The following LINGO2 variants were observed in gnomAD, a reference collection of about 807,000 sequenced individuals.
LINGO2 encodes the protein leucine rich repeat and Ig domain containing 2, also known as leucine-rich repeat and immunoglobulin-like domain-containing nogo receptor-interacting protein 2.
A neutral mutation model predicts 30.6 loss-of-function variants in LINGO2; 14 were observed. The observed-to-expected ratio is 0.46, with a 90% CI of 0.30 to 0.72. LINGO2 has a LOEUF of 0.72. Among genes scored for constraint, LINGO2 ranks in the 30% least tolerant of loss-of-function variants. The probability of loss-of-function intolerance (pLI) is 0.07; values close to 1 mark genes in which losing one functional copy is unlikely to be tolerated. For missense variants in LINGO2, 729 were observed against 751.7 expected, an observed-to-expected ratio of 0.97 and a Z score of 0.35; for synonymous variants, 317 against 288.5, an observed-to-expected ratio of 1.10 and a Z score of -1.00.
At chr9:28,748,334 T>C in the LINGO2 span, among the ~76,000 whole-genome samples, 1 of 151,916 alleles carries the variant, frequency 6.6e-6, no homozygotes, top group South Asian at 2.1e-4. Flanking sequence ...ATTAATAAAT[T>C]ATAATGATAA....
chr9:28,959,895 A>G, the LINGO2 span, among the ~76,000 whole-genome samples: 1 of 152,172 alleles, frequency 6.6e-6, no homozygotes, highest in Non-Finnish European at 1.5e-5. Context: ...AGCAATAACC[A>G]TGTGGGTAAA....
chr9:28,798,486 G>A, the LINGO2 span, among the ~76,000 whole-genome samples: 5 of 152,066 alleles, frequency 3.3e-5, no homozygotes, highest in East Asian at 5.8e-4. Context: ...GAGAAGGTGG[G>A]ATGTTTCTAA....
At chr9:28,226,915 C>A (rs1018332637) in intron 4 of LINGO2, among the ~76,000 whole-genome samples, 1 of 152,006 alleles carries the variant, frequency 6.6e-6, no homozygotes, top group Non-Finnish European at 1.5e-5. Flanking sequence ...GCCAATTTTT[C>A]GTACAATTTT....
the LINGO2 span, among the ~76,000 whole-genome samples, chr9:29,160,902 T>C: frequency 6.6e-6 from 1 of 152,236 alleles, no homozygotes; most frequent in African/African-American, 2.4e-5. Flanking sequence ...TTTGTGTAAG[T>C]TCACACTAGT....
chr9:29,171,446 CTTTG>C, the LINGO2 span, among the ~76,000 whole-genome samples: 2 of 151,908 alleles, frequency 1.3e-5, no homozygotes, highest in Non-Finnish European at 2.9e-5. Context: ...GTTTATTTTT[CTTTG>C]TTTGGGCATC....
At chr9:29,076,820 G>T in the LINGO2 span, among the ~76,000 whole-genome samples, 1 of 151,740 alleles carries the variant, frequency 6.6e-6, no homozygotes, top group Non-Finnish European at 1.5e-5. Flanking sequence ...TATAATTAAA[G>T]AGGTAATAAG....
chr9:28,689,143 C>T, the LINGO2 span, among the ~76,000 whole-genome samples: 1 of 152,122 alleles, frequency 6.6e-6, no homozygotes, highest in Middle Eastern at 3.2e-3. Context: ...AAGTAAGTGG[C>T]CCTATTAGGG....
the LINGO2 span, among the ~76,000 whole-genome samples, chr9:29,057,208 A>G: frequency 6.6e-6 from 1 of 152,036 alleles, no homozygotes; most frequent in African/African-American, 2.4e-5. Context: ...CATTTTCACA[A>G]TATTGATTCT....
chr9:29,052,939 A>G, the LINGO2 span, among the ~76,000 whole-genome samples: 4,681 of 152,212 alleles, frequency 0.031, 139 homozygotes, highest in South Asian at 0.15. Context: ...ATTCAAACCA[A>G]AACTGAAGCT....
rs538345223 is a variant in LINGO2 at position 28,648,948 on chromosome 9, T to C, written c.-365+21252A>G. Among the ~76,000 whole-genome samples, 177 of 152,226 alleles carry C rather than the reference T, an allele frequency of 1.2e-3. 1 individual carries two copies. Among genetic ancestry groups the C allele is most frequent in the Non-Finnish European group, 2.0e-3 (135 of 67,992 alleles). Reference sequence around the variant, plus strand: ...GGCGGTAAAGAGACAAGGCTGCTTATGATCAGAGATAACCAGGTTTGGGGC... The same window carrying C: ...GGCGGTAAAGAGACAAGGCTGCTTACGATCAGAGATAACCAGGTTTGGGGC... On this transcript the variant is annotated intron_variant, in intron 1 of 5. Coordinates refer to ENST00000379992, the Ensembl canonical transcript of LINGO2.
intron 4 of LINGO2, among the ~76,000 whole-genome samples, chr9:28,209,768 A>G (rs1820527650): frequency 6.6e-6 from 1 of 151,798 alleles, no homozygotes; most frequent in Non-Finnish European, 1.5e-5. Flanking sequence ...GATGGGATGC[A>G]GTAATACCAT....
chr9:28,130,170 T>G lies in LINGO2; in HGVS notation c.-86-117765A>C, dbSNP rs1398721497. 6.6e-6 allele frequency among the ~76,000 whole-genome samples: 1 copy of G among 152,242 alleles called. No individual in the cohort carries two copies. The highest frequency in any genetic ancestry group is 1.5e-5 in the Non-Finnish European group (1 of 68,042). ...TTCTAGATTTAGAGTTGTGCCTTCA[T>G]TTTAACCACTGGTTTGAACTCTAGA... On this transcript the variant is annotated intron_variant, in intron 4 of 5. Coordinates refer to ENST00000379992, the Ensembl canonical transcript of LINGO2. The surrounding 1 kb of genome is among the most constrained non-coding windows in gnomAD (Gnocchi z 5.2).
the LINGO2 span, among the ~76,000 whole-genome samples, chr9:29,021,335 T>A: frequency 6.6e-6 from 1 of 152,096 alleles, no homozygotes; most frequent in Non-Finnish European, 1.5e-5. Context: ...AATACGGCAC[T>A]AACTACATTA....
chr9:28,096,377 A>G (rs768084144), intron 4 of LINGO2, among the ~76,000 whole-genome samples: 1 of 152,172 alleles, frequency 6.6e-6, no homozygotes, highest in Non-Finnish European at 1.5e-5. Context: ...ATTCATTTTA[A>G]TTTATGGTAA....
At chr9:28,341,951 GGA>G (rs1463443980) in intron 3 of LINGO2, among the ~76,000 whole-genome samples, 3 of 152,010 alleles carry the variant, frequency 2.0e-5, no homozygotes, top group Non-Finnish European at 4.4e-5. Context: ...ATCCTATAGG[GGA>G]GAGTTAGGAA....
chr9:27,985,004 C>G (rs538666011), intron 5 of LINGO2, among the ~76,000 whole-genome samples: 1 of 147,272 alleles, frequency 6.8e-6, no homozygotes, highest in African/African-American at 2.5e-5. Context: ...GAAGTAAGCA[C>G]TTCTGTTTTG....
chr9:29,094,760 T>C, the LINGO2 span, among the ~76,000 whole-genome samples: 1 of 139,200 alleles, frequency 7.2e-6, no homozygotes, highest in Non-Finnish European at 1.6e-5. Flanking sequence ...AGATCAAAAA[T>C]ATATTATTAA....
At chr9:28,315,706 C>A (rs746558422) in intron 3 of LINGO2, among the ~76,000 whole-genome samples, 1 of 151,954 alleles carries the variant, frequency 6.6e-6, no homozygotes, top group Non-Finnish European at 1.5e-5. Flanking sequence ...TGTGGCACTC[C>A]CAGCATACAT....
intron 2 of LINGO2, among the ~76,000 whole-genome samples, chr9:28,456,328 C>T (rs1331382951): frequency 6.6e-6 from 1 of 152,200 alleles, no homozygotes; most frequent in Admixed American, 6.5e-5. Context: ...TTCCTCCAAC[C>T]TGAGTTGCTT....
Sources: allele counts gnomAD v4.1 joint callset (sites outside exome capture counted in the v4.1 genomes callset), GRCh38; gene constraint gnomAD v4.1.1; non-coding constraint Gnocchi (gnomAD v3.1); transcripts MANE v1.5; gene names NCBI Gene and HGNC (gene_info 2026-07-23, HGNC 2026-07-21).